The following PARD3 variants were observed in gnomAD, a reference collection of about 807,000 sequenced individuals.
The protein encoded by PARD3 is partitioning defective 3 homolog.
In PARD3, 75 loss-of-function variants were observed where a neutral mutation model predicts 155.4. The observed-to-expected ratio is 0.48, with a 90% confidence interval of 0.40 to 0.58. The LOEUF (loss-of-function observed/expected upper bound fraction) is 0.58, where lower values mean the gene tolerates loss of function less well. Among genes scored for constraint, PARD3 ranks in the 20% least tolerant of loss-of-function variants. The pLI, the probability that PARD3 is intolerant of heterozygous loss-of-function variation, is 0.00. For synonymous variants in PARD3, 576 were observed against 610.5 expected (o/e 0.94, Z 0.83); for missense variants, 1,642 against 1,721.7 (o/e 0.95, Z 0.82).
chr10:34,169,169 G>A (rs2133103851), intron 22 of PARD3, among the ~76,000 whole-genome samples: 1 of 152,326 alleles, frequency 6.6e-6, no homozygotes, highest in East Asian at 1.9e-4. Context: ...GTATATCAAA[G>A]ACAGTTACAG....
intron 2 of PARD3, among the ~76,000 whole-genome samples, chr10:34,694,353 G>A (rs2094125787): frequency 6.6e-6 from 1 of 151,818 alleles, no homozygotes. Context: ...TACTCTTCAT[G>A]TGGACTGCAG....
intron 19 of PARD3, among the ~76,000 whole-genome samples, chr10:34,320,204 T>C (rs993298458): frequency 2.0e-5 from 3 of 152,182 alleles, no homozygotes; most frequent in African/African-American, 7.2e-5. Flanking sequence ...TCACCATTCC[T>C]CTAGCTTTAG....
At chr10:34,630,983 T>C (rs2092245061) in intron 2 of PARD3, among the ~76,000 whole-genome samples, 1 of 151,914 alleles carries the variant, frequency 6.6e-6, no homozygotes. Flanking sequence ...CCTGGATAAC[T>C]GTTTAATTTT....
At chr10:34,139,042 G>A (rs993681399) in intron 22 of PARD3, among the ~76,000 whole-genome samples, 1 of 151,786 alleles carries the variant, frequency 6.6e-6, no homozygotes, top group African/African-American at 2.4e-5. Flanking sequence ...ACATCACAGG[G>A]CAGAAAAAAA....
intron 12 of PARD3, among the ~76,000 whole-genome samples, chr10:34,361,014 G>T (rs1047596743): frequency 6.6e-6 from 1 of 152,220 alleles, no homozygotes; most frequent in African/African-American, 2.4e-5. Flanking sequence ...AGGAAGAAAT[G>T]AAAGCTTAAT....
In PARD3 at chr10:34,523,107, A is replaced by AC. The variant is rs2133710633; in HGVS notation, c.223-5949dup. On this transcript the variant is annotated intron_variant, in intron 2 of 24. Transcript: ENST00000374788. ...ATATCTGAGGGTAATGAAGATCATC[A>AC]CAGACAATTCATCCTGCTGGTGCCA... 2.0e-5 allele frequency among the ~76,000 whole-genome samples: 3 copies of AC among 152,350 alleles called. No individual in the cohort carries two copies. The East Asian group carries it at 5.8e-4, about 29-fold the overall frequency.
At chr10:34,541,691 C>A (rs556202517) in intron 2 of PARD3, among the ~76,000 whole-genome samples, 1 of 152,296 alleles carries the variant, frequency 6.6e-6, no homozygotes, top group African/African-American at 2.4e-5. Context: ...AATGCAGTGT[C>A]CACATCCAAG....
Position 34,450,382 on chromosome 10 carries a change from T to C in PARD3, c.649A>G (p.Asn217Asp). ...CTGGCACTCAGAGACGAGCGAGCAT[T>C]GTCTCTCTGAAATTGGTTAGACCAG... is the stretch of plus-strand genomic sequence containing the variant. Reference protein sequence around the residue: ...SNWSNQFQRDNARSSLSASHP... With the variant: ...SNWSNQFQRDDARSSLSASHP... The change falls in exon 5 of 25, where the codon AAT (asparagine) becomes GAT (aspartate). Residue 217 changes from asparagine to aspartate, a missense_variant. By Grantham distance (23) the Asn-to-Asp change is conservative (BLOSUM62 1). Around this residue, in one of 3 missense-constraint regions of PARD3, gnomAD observed 1,529 missense variants for 1,587.3 expected, o/e 0.96. Coordinates refer to ENST00000374788, the MANE Select transcript of PARD3 (RefSeq NM_001184785.2). 3 of 1,613,210 alleles carry C rather than the reference T, an allele frequency of 1.9e-6. No homozygotes were observed. The highest frequency in any genetic ancestry group is 2.5e-6 in the Non-Finnish European group (3 of 1,179,204).
chr10:34,399,086 TG>T (rs1354176449), intron 7 of PARD3, among the ~76,000 whole-genome samples: 1 of 152,196 alleles, frequency 6.6e-6, no homozygotes, highest in Non-Finnish European at 1.5e-5. Flanking sequence ...TTGAGTGTGA[TG>T]AACAATAAAT....
At chr10:34,552,839 T>C (rs1164356568) in intron 2 of PARD3, among the ~76,000 whole-genome samples, 1 of 152,126 alleles carries the variant, frequency 6.6e-6, no homozygotes, top group East Asian at 1.9e-4. Flanking sequence ...ACTTAAAATA[T>C]CAAAATTACT....
intron 22 of PARD3, among the ~76,000 whole-genome samples, chr10:34,221,200 G>A (rs1391083430): frequency 2.0e-5 from 3 of 152,142 alleles, no homozygotes; most frequent in Non-Finnish European, 4.4e-5. Context: ...AAAGGCGCAC[G>A]TGCATGGTGC....
intron 22 of PARD3, among the ~76,000 whole-genome samples, chr10:34,133,525 G>A (rs561992639): frequency 5.1e-4 from 77 of 152,308 alleles, no homozygotes; most frequent in African/African-American, 1.5e-3. Context: ...CCTCCAAGCT[G>A]CTAGCAGAAT....
intron 6 of PARD3, among the ~76,000 whole-genome samples, chr10:34,400,795 C>A (rs1843798543): frequency 1.3e-5 from 2 of 151,470 alleles, no homozygotes; most frequent in African/African-American, 2.4e-5. Flanking sequence ...TTCTGCCATA[C>A]TGCCAAATGG....
At chr10:34,506,327 A>G (rs1372847420) in intron 3 of PARD3, among the ~76,000 whole-genome samples, 1 of 152,114 alleles carries the variant, frequency 6.6e-6, no homozygotes, top group East Asian at 1.9e-4. Context: ...TGAGTACAGA[A>G]TATGTTATTA....
intron 20 of PARD3, among the ~76,000 whole-genome samples, chr10:34,295,174 T>C (rs1323146719): frequency 2.0e-5 from 3 of 152,202 alleles, no homozygotes; most frequent in Non-Finnish European, 1.5e-5. Flanking sequence ...CAGCACTAAA[T>C]ATTATTTACG....
chr10:34,489,151 A>G (rs2079696837), intron 3 of PARD3, among the ~76,000 whole-genome samples: 1 of 152,212 alleles, frequency 6.6e-6, no homozygotes, highest in East Asian at 1.9e-4. Context: ...CAGCCTGGCC[A>G]AGATGGTGAA....
intron 17 of PARD3, 77 bp from the exon 18 acceptor site, chr10:34,336,320 T>C: frequency 9.3e-7 from 1 of 1,077,466 alleles, no homozygotes; most frequent in African/African-American, 1.6e-5. Flanking sequence ...TCCCAGATCT[T>C]TTTAGTTAGG....
chr10:34,369,678 A>T (rs892521134), intron 12 of PARD3, among the ~76,000 whole-genome samples: 1 of 152,130 alleles, frequency 6.6e-6, no homozygotes, highest in Admixed American at 6.6e-5. Context: ...AAGAATCATA[A>T]CTGTATGCAC....
chr10:34,146,595 TCA>T (rs762562146), intron 22 of PARD3, among the ~76,000 whole-genome samples: 4 of 152,316 alleles, frequency 2.6e-5, no homozygotes, highest in Non-Finnish European at 5.9e-5. Context: ...GTGATGAAAA[TCA>T]CAGTTTGGCT....
Sources: allele counts gnomAD v4.1 joint callset (sites outside exome capture counted in the v4.1 genomes callset), GRCh38; gene constraint gnomAD v4.1.1; regional missense constraint gnomAD v4.1.1; transcripts MANE v1.5; gene names NCBI Gene and HGNC (gene_info 2026-07-23, HGNC 2026-07-21).